Variants in HCN1 observed in about 807,000 individuals in gnomAD.
The protein encoded by HCN1 is hyperpolarization activated cyclic nucleotide gated potassium channel 1.
Under a neutral mutation model 78.9 loss-of-function variants are expected in HCN1, and 13 were observed. The ratio of observed to expected loss-of-function variants is 0.16; its 90% CI spans 0.11 to 0.26. HCN1 has a LOEUF of 0.26. HCN1 is among the 10% of genes least tolerant of loss of function. The pLI is 1.00. For missense variants in HCN1, 810 were observed against 1,154.3 expected (o/e 0.70, Z 4.32); for synonymous variants, 552 against 455.5 (o/e 1.21, Z -2.70).
At chr5:45,302,239 CATG>C (rs1745641580) in intron 6 of HCN1, among the ~76,000 whole-genome samples, 1 of 151,604 alleles carries the variant, frequency 6.6e-6, no homozygotes. Context: ...ATGTTGTTCT[CATG>C]GTGGTGAGGG....
intron 2 of HCN1, among the ~76,000 whole-genome samples, chr5:45,536,232 G>C (rs534286836): frequency 2.2e-4 from 34 of 152,072 alleles, no homozygotes; most frequent in African/African-American, 8.2e-4. Context: ...TCTGTAAATT[G>C]ATGTCTTCTG....
intron 1 of HCN1, among the ~76,000 whole-genome samples, chr5:45,689,632 G>A (rs963396595): frequency 6.6e-6 from 1 of 152,062 alleles, no homozygotes; most frequent in African/African-American, 2.4e-5. Flanking sequence ...TGTTCTAGGA[G>A]CTAAAAATTT....
chr5:45,695,238 T>G (rs1353885015), intron 1 of HCN1: 1 of 199,156 alleles, frequency 5.0e-6, no homozygotes, highest in Non-Finnish European at 1.0e-5. Flanking sequence ...CCAGTCTTCT[T>G]CTGAGCCCCA....
intron 2 of HCN1, among the ~76,000 whole-genome samples, chr5:45,569,042 T>G (rs1171719544): frequency 1.3e-5 from 2 of 152,066 alleles, no homozygotes; most frequent in Non-Finnish European, 2.9e-5. Flanking sequence ...CTTTTATGAC[T>G]GGTGTCCTGC....
At chr5:45,627,030 T>C (rs1745177780) in intron 2 of HCN1, among the ~76,000 whole-genome samples, 1 of 151,950 alleles carries the variant, frequency 6.6e-6, no homozygotes, top group Non-Finnish European at 1.5e-5. Flanking sequence ...CATATATATA[T>C]AACTGGGTCC....
At chr5:45,670,902 C>T (rs1189449503) in intron 1 of HCN1, among the ~76,000 whole-genome samples, 2 of 151,520 alleles carry the variant, frequency 1.3e-5, no homozygotes, top group Non-Finnish European at 3.0e-5. Context: ...AAAACAGATT[C>T]AAACAAATAT....
intron 6 of HCN1, among the ~76,000 whole-genome samples, chr5:45,278,141 C>T (rs1451482838): frequency 6.6e-6 from 1 of 152,088 alleles, no homozygotes; most frequent in Non-Finnish European, 1.5e-5. Context: ...GACTCATACA[C>T]ATCTCTACTC....
At chr5:45,375,464 G>GATCATATTTTATGATACATATT (rs1561131483) in intron 4 of HCN1, among the ~76,000 whole-genome samples, 61 of 62,304 alleles carry the variant, frequency 9.8e-4, no homozygotes, top group South Asian at 2.2e-3. Flanking sequence ...TGATACATAT[G>GATCATATTTTATGATACATATT]ATATATAAGA....
intron 2 of HCN1, among the ~76,000 whole-genome samples, chr5:45,560,385 T>C (rs1743572110): frequency 6.6e-6 from 1 of 152,046 alleles, no homozygotes; most frequent in Non-Finnish European, 1.5e-5. Flanking sequence ...TTAACATCAT[T>C]TATAAAAATT....
At chr5:45,373,289 TTA>T (rs1326417244) in intron 4 of HCN1, among the ~76,000 whole-genome samples, 2 of 113,746 alleles carry the variant, frequency 1.8e-5, no homozygotes, top group East Asian at 4.6e-4. Flanking sequence ...ATATTATATA[TTA>T]TATATATTTT....
chr5:45,483,634 A>C (rs181586840), intron 2 of HCN1, among the ~76,000 whole-genome samples: 11 of 152,128 alleles, frequency 7.2e-5, no homozygotes, highest in Non-Finnish European at 1.0e-4. Flanking sequence ...ATTAGGTCCC[A>C]CTTGTTTATT....
At chr5:45,428,119 T>G (rs1383244317) in intron 3 of HCN1, among the ~76,000 whole-genome samples, 2 of 152,022 alleles carry the variant, frequency 1.3e-5, no homozygotes, top group Non-Finnish European at 2.9e-5. Flanking sequence ...TGGATAAAAC[T>G]CATAGAAACA....
At chr5:45,362,438 G>A (rs1206583493) in intron 4 of HCN1, among the ~76,000 whole-genome samples, 2 of 151,980 alleles carry the variant, frequency 1.3e-5, no homozygotes, top group South Asian at 2.1e-4. Flanking sequence ...CTCATTTAAA[G>A]AGAAATCTAT....
At chr5:45,281,630 C>T (rs140096537) in intron 6 of HCN1, among the ~76,000 whole-genome samples, 2,615 of 131,464 alleles carry the variant, frequency 0.02, 91 homozygotes, top group African/African-American at 0.07. Context: ...ACTCTGTTGC[C>T]GGGCTGGAGT....
intron 1 of HCN1, among the ~76,000 whole-genome samples, chr5:45,683,689 C>T (rs539947137): frequency 1.3e-5 from 2 of 149,356 alleles, no homozygotes; most frequent in East Asian, 3.9e-4. Context: ...TTTTTTGATA[C>T]AGGGTTTCAC....
At chr5:45,557,500 A>G (rs962813836) in intron 2 of HCN1, among the ~76,000 whole-genome samples, 1 of 152,078 alleles carries the variant, frequency 6.6e-6, no homozygotes, top group Non-Finnish European at 1.5e-5. Flanking sequence ...ATACAGAAAT[A>G]CCCTCATTTT....
At chr5:45,538,720 A>G (rs1464728597) in intron 2 of HCN1, among the ~76,000 whole-genome samples, 1 of 152,172 alleles carries the variant, frequency 6.6e-6, no homozygotes, top group African/African-American at 2.4e-5. Flanking sequence ...TATAAAATCA[A>G]TGTACATTAT....
At chr5:45,523,754 A>C (rs1033340867) in intron 2 of HCN1, among the ~76,000 whole-genome samples, 3 of 151,966 alleles carry the variant, frequency 2.0e-5, no homozygotes, top group Non-Finnish European at 2.9e-5. Flanking sequence ...TAGATCCTGG[A>C]TATTAGCCCT....
intron 2 of HCN1, among the ~76,000 whole-genome samples, chr5:45,586,453 C>T (rs1264198014): frequency 6.6e-6 from 1 of 152,110 alleles, no homozygotes; most frequent in Non-Finnish European, 1.5e-5. Context: ...AAGGGAATTC[C>T]CTGACCCCTT....
Sources: allele counts gnomAD v4.1 joint callset (sites outside exome capture counted in the v4.1 genomes callset), GRCh38; gene constraint gnomAD v4.1.1; transcripts MANE v1.5; gene names NCBI Gene and HGNC (gene_info 2026-07-23, HGNC 2026-07-21).